SYT1: variants seen among roughly 807,000 people sequenced by gnomAD.
SYT1 encodes the protein synaptotagmin 1, also known as synaptotagmin-1.
Under a neutral mutation model 44.8 loss-of-function variants are expected in SYT1, and 8 were observed. The observed-to-expected ratio is 0.18, with a 90% CI of 0.10 to 0.32. The LOEUF is 0.32. Among genes scored for constraint, SYT1 ranks in the 10% least tolerant of loss-of-function variants. The probability of loss-of-function intolerance (pLI) is 1.00; values close to 1 mark genes in which losing one functional copy is unlikely to be tolerated. For synonymous variants in SYT1, 154 were observed against 188.8 expected (o/e 0.82, Z 1.51); for missense variants, 286 against 509.3 (o/e 0.56, Z 4.22).
At chr12:78,944,475 G>T (rs1878552164) in intron 1 of SYT1, among the ~76,000 whole-genome samples, 1 of 151,772 alleles carries the variant, frequency 6.6e-6, no homozygotes, top group Non-Finnish European at 1.5e-5. Flanking sequence ...TTTGTAAGTG[G>T]ACTTCATTTT....
intron 9 of SYT1, among the ~76,000 whole-genome samples, chr12:79,403,852 C>G (rs1380283527): frequency 6.6e-6 from 1 of 152,132 alleles, no homozygotes; most frequent in Non-Finnish European, 1.5e-5. Context: ...TGTGAATAAA[C>G]CTTCCTTCCT....
intron 1 of SYT1, among the ~76,000 whole-genome samples, chr12:78,941,953 T>G (rs1878399475): frequency 6.6e-6 from 1 of 152,200 alleles, no homozygotes; most frequent in Non-Finnish European, 1.5e-5. Flanking sequence ...ACCTTTCCTC[T>G]GCACACACAT....
At chr12:78,902,083 T>C (rs957833161) in intron 1 of SYT1, among the ~76,000 whole-genome samples, 1 of 151,988 alleles carries the variant, frequency 6.6e-6, no homozygotes, top group Non-Finnish European at 1.5e-5. Context: ...AAATACCTAA[T>C]GTAGATGATT....
chr12:79,064,972 G>GAAAGAAAGAAAGAAAT (rs1565789437), intron 3 of SYT1, among the ~76,000 whole-genome samples: 7 of 148,214 alleles, frequency 4.7e-5, no homozygotes, highest in Non-Finnish European at 7.5e-5. Flanking sequence ...AAGAAAGAAA[G>GAAAGAAAGAAAGAAAT]AAAGAAAGAA....
rs768454509 is a variant in SYT1, at chr12:79,133,798, G to A, written c.-17-83705G>A. On this transcript the variant is annotated intron_variant, in intron 3 of 10. Coordinates refer to ENST00000261205, the MANE Select transcript of SYT1 (RefSeq NM_005639.3). Reference sequence around the variant, plus strand: ...AATATGAAAGTTGAACAGAGCAACCGGTTTGGGAAGGAAAAAATTATCAAC... The same window carrying A: ...AATATGAAAGTTGAACAGAGCAACCAGTTTGGGAAGGAAAAAATTATCAAC... 1.4e-4 allele frequency among the ~76,000 whole-genome samples: 21 copies of A among 152,290 alleles called. 1 individual carries two copies. The Middle Eastern group carries it at 0.01, about 74-fold the overall frequency.
At position 79,190,599 on chromosome 12, in the gene SYT1, C is replaced by G. The variant is rs187181019; in HGVS notation, c.-17-26904C>G. 1.4e-3 allele frequency among the ~76,000 whole-genome samples: 215 copies of G among 152,264 alleles called. 1 individual carries two copies. The highest frequency in any genetic ancestry group is 4.8e-3 in the African/African-American group (200 of 41,566). ...CAGCACCGGCGCCAGGAAGAAACATCAGTGTTTCATTCTCCAGATTAATGA... is the reference window on the plus strand; with the variant it reads ...CAGCACCGGCGCCAGGAAGAAACATGAGTGTTTCATTCTCCAGATTAATGA... On this transcript the variant is annotated intron_variant, in intron 3 of 10. Coordinates refer to ENST00000261205, the MANE Select transcript of SYT1 (RefSeq NM_005639.3).
intron 3 of SYT1, among the ~76,000 whole-genome samples, chr12:79,214,720 A>T (rs766017120): frequency 2.2e-4 from 33 of 152,340 alleles, no homozygotes; most frequent in Middle Eastern, 3.4e-3. Flanking sequence ...AAGCAGAAAC[A>T]TAGTTGAGCA....
At chr12:78,988,623 C>T (rs1869816520) in intron 2 of SYT1, among the ~76,000 whole-genome samples, 1 of 151,674 alleles carries the variant, frequency 6.6e-6, no homozygotes, top group South Asian at 2.1e-4. Flanking sequence ...ACATAAAGAA[C>T]AAGACACAAC....
intron 1 of SYT1, among the ~76,000 whole-genome samples, chr12:78,959,663 A>T (rs1304919195): frequency 1.3e-5 from 2 of 152,180 alleles, no homozygotes; most frequent in Non-Finnish European, 2.9e-5. Flanking sequence ...CTTATTACAA[A>T]CAACAGCTGT....
chr12:79,273,940 T>A (rs1200955999), intron 4 of SYT1, among the ~76,000 whole-genome samples: 3 of 152,044 alleles, frequency 2.0e-5, no homozygotes, highest in African/African-American at 7.2e-5. Context: ...AGAAATTAGC[T>A]GGCCGTGGTG....
At chr12:79,041,866 G>A (rs1468246285) in intron 2 of SYT1, among the ~76,000 whole-genome samples, 2 of 152,114 alleles carry the variant, frequency 1.3e-5, no homozygotes, top group Non-Finnish European at 2.9e-5. Context: ...GGCTTTTTCT[G>A]CAACTATTGA....
intron 8 of SYT1, among the ~76,000 whole-genome samples, chr12:79,341,660 C>CTTT (rs34759181): frequency 2.4e-4 from 15 of 63,038 alleles, no homozygotes; most frequent in South Asian, 7.3e-4. Context: ...TACATTCATT[C>CTTT]TTTTTTTTTT....
rs769307008 is a variant in SYT1, at chr12:79,414,845, T to C, written c.929-29228T>C. On this transcript the variant is annotated intron_variant, in intron 9 of 10. Coordinates refer to ENST00000261205, the MANE Select transcript of SYT1 (RefSeq NM_005639.3). ...GGTGATACTTGCTGTCCCTGCCAGA[T>C]GTAAAGCATAATTTTCAGGGTCCTC... 5.3e-5 allele frequency among the ~76,000 whole-genome samples: 8 copies of C among 152,142 alleles called. No homozygotes were observed. The East Asian group carries it at 1.4e-3, about 26-fold the overall frequency.
chr12:79,063,201 A>G (rs898450395), intron 3 of SYT1, among the ~76,000 whole-genome samples: 3 of 152,170 alleles, frequency 2.0e-5, no homozygotes, highest in Non-Finnish European at 4.4e-5. Context: ...GTGCTGAAAT[A>G]TGACCCTTTG....
At chr12:79,318,798 G>C (rs7296233) in intron 8 of SYT1, among the ~76,000 whole-genome samples, 3 of 152,072 alleles carry the variant, frequency 2.0e-5, no homozygotes, top group Non-Finnish European at 4.4e-5. Context: ...CCAACATAGC[G>C]TCAGAAATAG....
chr12:79,227,325 GT>G (rs1875583300), intron 4 of SYT1, among the ~76,000 whole-genome samples: 1 of 151,962 alleles, frequency 6.6e-6, no homozygotes, highest in African/African-American at 2.4e-5. Context: ...AGCAGACAAG[GT>G]TTTTTAGAAT....
At chr12:79,399,348 A>G (rs1884991995) in intron 9 of SYT1, among the ~76,000 whole-genome samples, 1 of 149,930 alleles carries the variant, frequency 6.7e-6, no homozygotes, top group Non-Finnish European at 1.5e-5. Context: ...AGGTAATCCC[A>G]AGGAATATTA....
At chr12:78,963,531 A>G (rs1056216450) in intron 1 of SYT1, among the ~76,000 whole-genome samples, 1 of 152,210 alleles carries the variant, frequency 6.6e-6, no homozygotes, top group Non-Finnish European at 1.5e-5. Context: ...TTCTTTAAAG[A>G]AGACATACAG....
intron 1 of SYT1, among the ~76,000 whole-genome samples, chr12:78,961,171 G>A (rs1879481497): frequency 6.6e-6 from 1 of 151,912 alleles, no homozygotes. Flanking sequence ...GCAGTAGTGT[G>A]ATCACAGTTC....
Sources: allele counts gnomAD v4.1 joint callset (sites outside exome capture counted in the v4.1 genomes callset), GRCh38; gene constraint gnomAD v4.1.1; transcripts MANE v1.5; gene names NCBI Gene and HGNC (gene_info 2026-07-23, HGNC 2026-07-21).